Variants in PLXDC2 observed in about 807,000 individuals in gnomAD.
PLXDC2 encodes the protein plexin domain-containing protein 2.
A neutral mutation model predicts 68.9 loss-of-function variants in PLXDC2; 40 were observed. The observed-to-expected ratio is 0.58, with a 90% confidence interval of 0.45 to 0.76. The LOEUF (loss-of-function observed/expected upper bound fraction) is 0.76, where lower values mean the gene tolerates loss of function less well. Ranked by LOEUF, PLXDC2 falls within the 30% of genes least tolerant of loss-of-function variation. The pLI is 0.00. For missense variants in PLXDC2, 644 were observed against 661.9 expected (o/e 0.97, Z 0.30); for synonymous variants, 243 against 234.2 (o/e 1.04, Z -0.34).
intron 2 of PLXDC2, among the ~76,000 whole-genome samples, chr10:20,035,220 G>A (rs1488950815): frequency 2.0e-5 from 3 of 152,022 alleles, no homozygotes; most frequent in Non-Finnish European, 4.4e-5. Context: ...TATGGCAAAC[G>A]ACATCAAACC....
At chr10:20,230,916 A>G (rs1835356711) in intron 12 of PLXDC2, among the ~76,000 whole-genome samples, 1 of 151,256 alleles carries the variant, frequency 6.6e-6, no homozygotes, top group African/African-American at 2.4e-5. Context: ...AAAAAATATT[A>G]AATTTCTAGA....
chr10:19,899,118 C>T (rs149362359), intron 1 of PLXDC2, among the ~76,000 whole-genome samples: 1 of 152,192 alleles, frequency 6.6e-6, no homozygotes, highest in Non-Finnish European at 1.5e-5. Context: ...TTGCCTGTCT[C>T]CTGCTCCTCC....
intron 1 of PLXDC2, among the ~76,000 whole-genome samples, chr10:19,938,998 T>G (rs531162823): frequency 4.0e-4 from 61 of 152,096 alleles, no homozygotes; most frequent in African/African-American, 1.4e-3. Context: ...AAAACTGAGA[T>G]AGAATTTTCT....
At chr10:20,252,635 G>A (rs1249655136) in intron 13 of PLXDC2, among the ~76,000 whole-genome samples, 1 of 152,216 alleles carries the variant, frequency 6.6e-6, no homozygotes, top group African/African-American at 2.4e-5. Flanking sequence ...TGGATAAGTT[G>A]ACCAGTCACT....
intron 1 of PLXDC2, among the ~76,000 whole-genome samples, chr10:19,980,005 A>T (rs942209203): frequency 5.9e-5 from 9 of 152,218 alleles, no homozygotes; most frequent in African/African-American, 1.9e-4. Flanking sequence ...CCTGGGTACC[A>T]TTTGAAGTAA....
chr10:20,079,815 G>A (rs767459343), intron 4 of PLXDC2, among the ~76,000 whole-genome samples: 40 of 152,114 alleles, frequency 2.6e-4, no homozygotes, highest in Middle Eastern at 6.3e-3. Context: ...GAGAACATTA[G>A]GACAAATACC....
intron 1 of PLXDC2, among the ~76,000 whole-genome samples, chr10:19,956,019 C>T (rs951831946): frequency 6.6e-6 from 1 of 152,026 alleles, no homozygotes; most frequent in Non-Finnish European, 1.5e-5. Flanking sequence ...GCTGAGATTG[C>T]AGTGAGCCAA....
intron 4 of PLXDC2, among the ~76,000 whole-genome samples, chr10:20,082,045 G>GAAAA (rs1439512108): frequency 1.0e-4 from 1 of 9,614 alleles, no homozygotes; most frequent in Non-Finnish European, 1.6e-4. Flanking sequence ...AACTCCATCT[G>GAAAA]AAAAAAAAAA....
At chr10:19,857,238 A>G (rs746059258) in intron 1 of PLXDC2, among the ~76,000 whole-genome samples, 4 of 152,206 alleles carry the variant, frequency 2.6e-5, no homozygotes, top group South Asian at 4.1e-4. Flanking sequence ...TCAGCTTCCC[A>G]CAATATAATT....
rs1200946796 is a variant in PLXDC2 at position 20,051,444 on chromosome 10, G to A, written c.471+4429G>A. On this transcript the variant is annotated intron_variant, in intron 3 of 13. Transcript: ENST00000377252. ...TATATATATATATATATATATATAT[G>A]TGCTATTATGGTTATATTGTATCTC... Among the ~76,000 whole-genome samples, 171 of 107,466 alleles carry A rather than the reference G, an allele frequency of 1.6e-3. 1 individual carries two copies. Among genetic ancestry groups the A allele is most frequent in the African/African-American group, 5.6e-3 (165 of 29,362 alleles). The allele number at this position is 107,466 out of a possible 152,430, so 70.5% of individuals were successfully genotyped here.
chr10:20,243,068 A>G (rs1231543317), intron 12 of PLXDC2, among the ~76,000 whole-genome samples: 1 of 152,144 alleles, frequency 6.6e-6, no homozygotes, highest in Non-Finnish European at 1.5e-5. Context: ...TGAAATTACC[A>G]GATTCTTTTC....
At chr10:20,040,181 G>C (rs181917635) in intron 2 of PLXDC2, among the ~76,000 whole-genome samples, 32 of 152,204 alleles carry the variant, frequency 2.1e-4, no homozygotes, top group African/African-American at 7.2e-4. Context: ...ATCACCCTTA[G>C]CCAATCATCT....
intron 1 of PLXDC2, among the ~76,000 whole-genome samples, chr10:19,873,062 AC>A (rs1372258238): frequency 1.3e-5 from 2 of 152,220 alleles, no homozygotes; most frequent in African/African-American, 4.8e-5. Context: ...AACGGTCGGT[AC>A]AGGTTCAAAA....
At chr10:20,238,655 C>A (rs1588536392) in intron 12 of PLXDC2, among the ~76,000 whole-genome samples, 5 of 82,776 alleles carry the variant, frequency 6.0e-5, no homozygotes, top group South Asian at 4.0e-4. Flanking sequence ...GACTCCATCT[C>A]AAAAAAAATA....
At chr10:19,846,240 G>T (rs1283153491) in intron 1 of PLXDC2, among the ~76,000 whole-genome samples, 2 of 152,150 alleles carry the variant, frequency 1.3e-5, no homozygotes, top group African/African-American at 2.4e-5. Context: ...TGGCAGGAAA[G>T]CTGTTTTTAG....
At chr10:20,189,921 C>T (rs143742667) in intron 9 of PLXDC2, among the ~76,000 whole-genome samples, 301 of 151,682 alleles carry the variant, frequency 2.0e-3, no homozygotes, top group South Asian at 3.5e-3. Flanking sequence ...TTTCCAAACT[C>T]GGAAGAAATA....
intron 1 of PLXDC2, among the ~76,000 whole-genome samples, chr10:19,958,220 T>G (rs1834102026): frequency 6.6e-6 from 1 of 152,090 alleles, no homozygotes; most frequent in South Asian, 2.1e-4. Context: ...AAATCAAGCC[T>G]GATTGTATAG....
chr10:19,847,063 C>T (rs1016837130), intron 1 of PLXDC2, among the ~76,000 whole-genome samples: 2 of 152,098 alleles, frequency 1.3e-5, no homozygotes, highest in Non-Finnish European at 1.5e-5. Flanking sequence ...GTTACCTCCC[C>T]CCGGGTCCCT....
chr10:20,030,266 A>G (rs574784651), intron 2 of PLXDC2, among the ~76,000 whole-genome samples: 4 of 152,336 alleles, frequency 2.6e-5, no homozygotes, highest in African/African-American at 9.6e-5. Flanking sequence ...ACAAATGACC[A>G]TGAATTCCTG....
Sources: allele counts gnomAD v4.1 joint callset (sites outside exome capture counted in the v4.1 genomes callset), GRCh38; gene constraint gnomAD v4.1.1; transcripts MANE v1.5; gene names NCBI Gene and HGNC (gene_info 2026-07-23, HGNC 2026-07-21).